ANKFN1: variants seen among roughly 807,000 people sequenced by gnomAD.
ANKFN1 encodes ankyrin repeat and fibronectin type III domain containing 1, also known as ankyrin repeat and fibronectin type-III domain-containing protein 1.
Under a neutral mutation model 108.7 loss-of-function variants are expected in ANKFN1, and 74 were observed. That is an observed-to-expected ratio of 0.68 (90% CI 0.56 to 0.83). The LOEUF (loss-of-function observed/expected upper bound fraction) is 0.83. Ranked by LOEUF, ANKFN1 falls within the 40% of genes least tolerant of loss-of-function variation. The pLI is 0.00. For synonymous variants in ANKFN1, 547 were observed against 516.2 expected, an observed-to-expected ratio of 1.06 and a Z score of -0.81; for missense variants, 1,505 against 1,382.3, an observed-to-expected ratio of 1.09 and a Z score of -1.41.
At chr17:56,449,767 C>G (rs905039272) in intron 11 of ANKFN1, among the ~76,000 whole-genome samples, 1 of 152,150 alleles carries the variant, frequency 6.6e-6, no homozygotes, top group Non-Finnish European at 1.5e-5. Flanking sequence ...GGTTCTAAGT[C>G]TAGTCCTCCT....
intron 2 of ANKFN1, among the ~76,000 whole-genome samples, chr17:56,216,111 T>C (rs989064982): frequency 6.6e-6 from 1 of 152,170 alleles, no homozygotes; most frequent in African/African-American, 2.4e-5. Context: ...GGGGCTTTTT[T>C]CCCCCAAATT....
intron 10 of ANKFN1, among the ~76,000 whole-genome samples, chr17:56,446,654 C>T (rs574730845): frequency 6.6e-6 from 1 of 152,304 alleles, no homozygotes; most frequent in East Asian, 1.9e-4. Context: ...TCTGTAATCC[C>T]AGTACTTTGG....
intron 3 of ANKFN1, among the ~76,000 whole-genome samples, chr17:56,318,643 T>G (rs2045276329): frequency 6.6e-6 from 1 of 152,138 alleles, no homozygotes; most frequent in Non-Finnish European, 1.5e-5. Context: ...GAGAAAGACA[T>G]TCATTCCATC....
In ANKFN1 at chr17:56,388,549, ATT is replaced by A. The variant is rs532819260; in HGVS notation, c.910+13839_910+13840del. Reference sequence around the variant, plus strand: ...ATTCTCTCAACATAGCTATATTTCTATTTTTAATTGCCAACTATGTTTATACA... The same window carrying A: ...ATTCTCTCAACATAGCTATATTTCTATTTAATTGCCAACTATGTTTATACA... On this transcript the variant is annotated intron_variant, in intron 8 of 20. Coordinates refer to ENST00000682825, the MANE Select transcript of ANKFN1 (RefSeq NM_001370326.1). Among the ~76,000 whole-genome samples, 3 of 152,160 alleles carry A rather than the reference ATT, an allele frequency of 2.0e-5. No homozygotes were observed. The South Asian group carries it at 6.2e-4, about 32-fold the overall frequency.
chr17:56,068,183 AG>A, intron 4 of ANKFN1, among the ~76,000 whole-genome samples: 1 of 152,268 alleles, frequency 6.6e-6, no homozygotes, highest in Admixed American at 6.5e-5. Context: ...CGTAGTTCAA[AG>A]GTCACCCCTC....
intron 6 of ANKFN1, 78 bp downstream of exon 6, chr17:56,354,124 C>CAAAA: frequency 7.2e-7 from 1 of 1,391,664 alleles, no homozygotes; most frequent in Non-Finnish European, 9.9e-7. Flanking sequence ...CCATTGCTGA[C>CAAAA]TTTCAGAGCA....
chr17:56,049,012 T>C (rs1314989521), intron 4 of ANKFN1, among the ~76,000 whole-genome samples: 2 of 152,248 alleles, frequency 1.3e-5, no homozygotes, highest in Admixed American at 6.5e-5. Flanking sequence ...GCATGTGCTT[T>C]AGTGATGGAG....
At chr17:56,233,697 T>C (rs1038283795) in intron 3 of ANKFN1, among the ~76,000 whole-genome samples, 1 of 152,022 alleles carries the variant, frequency 6.6e-6, no homozygotes, top group Non-Finnish European at 1.5e-5. Context: ...TGTGAAAAGA[T>C]GTGTATGTTT....
At chr17:56,433,295 A>G (rs916853683) in intron 8 of ANKFN1, among the ~76,000 whole-genome samples, 3 of 152,196 alleles carry the variant, frequency 2.0e-5, no homozygotes, top group Non-Finnish European at 4.4e-5. Flanking sequence ...AGGAAGTAAA[A>G]CAAAAAGCAA....
intron 15 of ANKFN1, among the ~76,000 whole-genome samples, chr17:56,467,765 AAGAAAGAAAGAAAGAAAG>A (rs143306697): frequency 0.011 from 385 of 35,024 alleles, 7 homozygotes; most frequent in East Asian, 0.1. Context: ...GAAAGAAAGA[AAGAAAGAAAGAAAGAAAG>A]AAAGAAAGAA....
intron 1 of ANKFN1, among the ~76,000 whole-genome samples, chr17:56,178,271 A>G (rs9891182): frequency 0.024 from 3,675 of 152,338 alleles, 135 homozygotes; most frequent in African/African-American, 0.084. Context: ...CAAGAGAATC[A>G]TAAGAACTGC....
intron 4 of ANKFN1, among the ~76,000 whole-genome samples, chr17:56,106,458 C>A (rs79772560): frequency 0.021 from 3,226 of 152,304 alleles, 133 homozygotes; most frequent in African/African-American, 0.075. Flanking sequence ...GACCTCAGAA[C>A]TGACTGAGCT....
intron 3 of ANKFN1, among the ~76,000 whole-genome samples, chr17:56,286,708 T>G (rs1270378339): frequency 6.6e-6 from 1 of 152,078 alleles, no homozygotes; most frequent in Non-Finnish European, 1.5e-5. Flanking sequence ...TTCCACCATA[T>G]TACATTGATC....
intron 1 of ANKFN1, among the ~76,000 whole-genome samples, chr17:56,160,417 C>CTTTCTTT (rs1038636134): frequency 2.6e-5 from 4 of 152,138 alleles, no homozygotes; most frequent in Non-Finnish European, 5.9e-5. Context: ...CTCTTCCTTT[C>CTTTCTTT]TTTCTTTTTT....
intron 2 of ANKFN1, among the ~76,000 whole-genome samples, chr17:56,222,917 T>C (rs2143877482): frequency 6.6e-6 from 1 of 152,312 alleles, no homozygotes; most frequent in Admixed American, 6.5e-5. Flanking sequence ...AAATGCTTGG[T>C]CATTACAAGC....
intron 1 of ANKFN1, among the ~76,000 whole-genome samples, chr17:56,199,638 C>T (rs971089896): frequency 1.3e-5 from 2 of 152,148 alleles, no homozygotes; most frequent in African/African-American, 2.4e-5. Context: ...GAAAAGAGCT[C>T]CCTTTTCTAA....
intron 3 of ANKFN1, among the ~76,000 whole-genome samples, chr17:56,304,553 TA>T (rs1381153978): frequency 6.6e-6 from 1 of 152,074 alleles, no homozygotes; most frequent in South Asian, 2.1e-4. Context: ...TGCTTAGTTT[TA>T]AAAAAAATCT....
intron 1 of ANKFN1, among the ~76,000 whole-genome samples, chr17:56,170,011 C>A (rs866060317): frequency 2.6e-5 from 4 of 152,158 alleles, no homozygotes; most frequent in African/African-American, 9.7e-5. Context: ...CCACATGGAT[C>A]GGTGGCAGCT....
intron 4 of ANKFN1, among the ~76,000 whole-genome samples, chr17:56,088,324 A>C (rs1023929824): frequency 2.0e-5 from 3 of 151,112 alleles, no homozygotes; most frequent in Non-Finnish European, 3.0e-5. Flanking sequence ...AGGTGGAAAA[A>C]TTTAAAACTC....
Sources: allele counts gnomAD v4.1 joint callset (sites outside exome capture counted in the v4.1 genomes callset), GRCh38; gene constraint gnomAD v4.1.1; transcripts MANE v1.5; gene names NCBI Gene and HGNC (gene_info 2026-07-23, HGNC 2026-07-21).